The following RBPJ variants were observed in gnomAD, a reference collection of about 807,000 sequenced individuals.
The protein encoded by RBPJ is recombining binding protein suppressor of hairless.
A neutral mutation model predicts 67.8 loss-of-function variants in RBPJ; 9 were observed. The ratio of observed to expected loss-of-function variants is 0.13; its 90% CI spans 0.08 to 0.23. The LOEUF (loss-of-function observed/expected upper bound fraction) is 0.23, where lower values mean the gene tolerates loss of function less well. RBPJ is among the 10% of genes least tolerant of loss of function. The pLI, the probability that RBPJ is intolerant of heterozygous loss-of-function variation, is 1.00. For synonymous variants in RBPJ, 198 were observed against 203.3 expected, an observed-to-expected ratio of 0.97 and a Z score of 0.22; for missense variants, 305 against 595.6, an observed-to-expected ratio of 0.51 and a Z score of 5.08.
At chr4:26,394,737 G>A (rs1731943857) in intron 2 of RBPJ, among the ~76,000 whole-genome samples, 1 of 152,132 alleles carries the variant, frequency 6.6e-6, no homozygotes, top group Non-Finnish European at 1.5e-5. Flanking sequence ...GTTGTACTAA[G>A]TGATTCTGCT....
intron 1 of RBPJ, among the ~76,000 whole-genome samples, chr4:26,374,911 A>G (rs1729549183): frequency 6.6e-6 from 1 of 152,212 alleles, no homozygotes; most frequent in African/African-American, 2.4e-5. Flanking sequence ...TCTAGTTAAC[A>G]TTTTGAACTG....
chr4:26,190,711 G>A (rs1377952744), intron 1 of RBPJ, among the ~76,000 whole-genome samples: 3 of 152,130 alleles, frequency 2.0e-5, no homozygotes, highest in Non-Finnish European at 4.4e-5. Flanking sequence ...ACCCTCTTTT[G>A]CTGTTTGACC....
intron 1 of RBPJ, among the ~76,000 whole-genome samples, chr4:26,181,826 G>A (rs530918954): frequency 1.3e-5 from 2 of 152,292 alleles, no homozygotes; most frequent in East Asian, 1.9e-4. Context: ...GGCACTTACC[G>A]GGAATGGAGC....
chr4:26,297,407 G>C lies in RBPJ; in HGVS notation c.-166-65039G>C, dbSNP rs1174487262. On this transcript the variant is annotated intron_variant, in intron 1 of 4. Coordinates refer to the RBPJ transcript ENST00000512351. ...GAGAGACAGAGAGAGACGGTGTATG[G>C]GGGGGATGTATAGGGAGAATGTAAA... 2.0e-5 allele frequency among the ~76,000 whole-genome samples: 3 copies of C among 151,952 alleles called. No individual in the cohort carries two copies. In the East Asian group the frequency reaches 5.8e-4, roughly 29 times the overall value.
chr4:26,315,786 T>C (rs1366343973), upstream of RBPJ, among the ~76,000 whole-genome samples: 1 of 151,620 alleles, frequency 6.6e-6, no homozygotes, highest in Non-Finnish European at 1.5e-5. Context: ...TTTATAGACC[T>C]CCCCCCAGGA....
chr4:26,289,615 T>A (rs1358444757), intron 1 of RBPJ, among the ~76,000 whole-genome samples: 1 of 150,480 alleles, frequency 6.6e-6, no homozygotes, highest in Non-Finnish European at 1.5e-5. Context: ...CGTGGAGTTG[T>A]GTAGAGTTAA....
intron 4 of RBPJ, among the ~76,000 whole-genome samples, chr4:26,419,275 G>T (rs1178820198): frequency 1.3e-5 from 2 of 152,048 alleles, no homozygotes; most frequent in Non-Finnish European, 2.9e-5. Context: ...CACCACCCTG[G>T]CCTGTTTTTA....
chr4:26,276,563 C>T (rs1281057767), intron 1 of RBPJ, among the ~76,000 whole-genome samples: 1 of 152,146 alleles, frequency 6.6e-6, no homozygotes, highest in Non-Finnish European at 1.5e-5. Flanking sequence ...TGGCCTTGGG[C>T]CTCAGGCTTG....
At chr4:26,275,309 C>T (rs981776716) in intron 1 of RBPJ, among the ~76,000 whole-genome samples, 1 of 152,202 alleles carries the variant, frequency 6.6e-6, no homozygotes, top group African/African-American at 2.4e-5. Context: ...ATTCAAATCG[C>T]AGCTCTGCCA....
chr4:26,372,657 T>C (rs1729284414), intron 1 of RBPJ, among the ~76,000 whole-genome samples: 1 of 152,234 alleles, frequency 6.6e-6, no homozygotes, highest in Admixed American at 6.5e-5. Context: ...CTTTCCCTCC[T>C]ATACTAGTGT....
At chr4:26,163,794 C>T (rs1716153224) in intron 1 of RBPJ, among the ~76,000 whole-genome samples, 1 of 152,214 alleles carries the variant, frequency 6.6e-6, no homozygotes, top group African/African-American at 2.4e-5. Flanking sequence ...GGTTATACTG[C>T]CTTCTTTCTG....
chr4:26,415,441 T>G (rs1474651406), intron 3 of RBPJ, 34 bp from the exon 4 acceptor site: 1 of 1,514,150 alleles, frequency 6.6e-7, no homozygotes, highest in Non-Finnish European at 8.9e-7. Context: ...TGATTTTTGC[T>G]TCTTGTTTTT....
At chr4:26,380,587 T>C (rs1195384993) in intron 1 of RBPJ, among the ~76,000 whole-genome samples, 1 of 152,170 alleles carries the variant, frequency 6.6e-6, no homozygotes, top group Non-Finnish European at 1.5e-5. Context: ...CTATTTGTTT[T>C]CTTCTTCTGG....
At chr4:26,248,344 C>A (rs1719995204) in intron 1 of RBPJ, among the ~76,000 whole-genome samples, 1 of 152,132 alleles carries the variant, frequency 6.6e-6, no homozygotes, top group African/African-American at 2.4e-5. Flanking sequence ...CCAATTATCT[C>A]TTGGTTTCAT....
At chr4:26,221,160 G>T (rs1013413432) in intron 1 of RBPJ, among the ~76,000 whole-genome samples, 1 of 152,082 alleles carries the variant, frequency 6.6e-6, no homozygotes, top group Non-Finnish European at 1.5e-5. Context: ...GCGCGATCTC[G>T]GCTCACTGCA....
intron 3 of RBPJ, among the ~76,000 whole-genome samples, chr4:26,408,206 C>T (rs528711253): frequency 6.6e-6 from 1 of 152,022 alleles, no homozygotes; most frequent in East Asian, 1.9e-4. Flanking sequence ...TTTTAATCCT[C>T]AAAGATGAAC....
At chr4:26,209,098 A>T (rs200667098) in intron 1 of RBPJ, among the ~76,000 whole-genome samples, 5,199 of 146,954 alleles carry the variant, frequency 0.035, 216 homozygotes, top group East Asian at 0.14. Flanking sequence ...GAAGAAAAAA[A>T]ATATATATAT....
chr4:26,285,008 C>T (rs972468903), intron 1 of RBPJ, among the ~76,000 whole-genome samples: 1 of 152,030 alleles, frequency 6.6e-6, no homozygotes, highest in Non-Finnish European at 1.5e-5. Context: ...AGGTGCCCAC[C>T]ACCACGCCTG....
In RBPJ at chr4:26,184,603, A is replaced by C. The variant is rs181328870; in HGVS notation, c.-167+20989A>C. Among the ~76,000 whole-genome samples the C allele has an allele frequency of 2.8e-3, 431 of 152,240 alleles. 2 individuals carry two copies. The highest frequency in any genetic ancestry group is 4.9e-3 in the Non-Finnish European group (334 of 68,020). On this transcript the variant is annotated intron_variant, in intron 1 of 4. Coordinates refer to the RBPJ transcript ENST00000512351. ...GGCCCAAGGTCAAGACCTCAGGACC[A>C]GTCAAGCAGAGGACTCAGGGGAGGC... is the stretch of plus-strand genomic sequence containing the variant.
Sources: allele counts gnomAD v4.1 joint callset (sites outside exome capture counted in the v4.1 genomes callset), GRCh38; gene constraint gnomAD v4.1.1; transcripts MANE v1.5; gene names NCBI Gene and HGNC (gene_info 2026-07-23, HGNC 2026-07-21).